PRDM5: variants seen among roughly 807,000 people sequenced by gnomAD.
PRDM5 encodes PR/SET domain 5, also known as PR domain zinc finger protein 5.
PRDM5 carries 56 observed loss-of-function variants against 81.2 expected under a neutral mutation model. That is an observed-to-expected ratio of 0.69 (90% confidence interval 0.56 to 0.86). PRDM5 has a LOEUF of 0.86. PRDM5 is among the 40% of genes least tolerant of loss of function. The probability of loss-of-function intolerance (pLI) is 0.00; values close to 1 mark genes in which losing one functional copy is unlikely to be tolerated. For synonymous variants in PRDM5, 267 were observed against 256.4 expected (o/e 1.04, Z -0.39); for missense variants, 697 against 770.1 (o/e 0.91, Z 1.12).
intron 3 of PRDM5, among the ~76,000 whole-genome samples, chr4:120,841,078 GT>G (rs918575141): frequency 1.3e-5 from 2 of 152,084 alleles, no homozygotes; most frequent in African/African-American, 4.8e-5. Context: ...CTATCCTTGT[GT>G]TTTTTAAATC....
chr4:120,859,541 G>A (rs1760322739), intron 2 of PRDM5, among the ~76,000 whole-genome samples: 1 of 152,038 alleles, frequency 6.6e-6, no homozygotes, highest in Admixed American at 6.6e-5. Flanking sequence ...GCTTTTTCAA[G>A]GAACAAACAT....
rs1734174549 is a variant in PRDM5 at position 120,692,988 on chromosome 4, G to A, written c.*2123C>T. 6.6e-6 allele frequency: 1 copy of A among 152,020 alleles called. No homozygotes were observed. The highest frequency in any genetic ancestry group is 1.5e-5 in the Non-Finnish European group (1 of 68,006). The allele number at this position is 152,020 out of a possible 1,614,324, so 9.4% of individuals were successfully genotyped here. A position where few individuals can be genotyped will look rare whatever the true frequency, so the allele number is the denominator to read the frequency against. On this transcript the variant is annotated 3_prime_UTR_variant, in exon 16 of 16. Transcript: ENST00000264808. Reference sequence around the variant, plus strand: ...CATACAAATAGTCTACTAAGGACTTGTTTTGGTTTCAGTCCTCTGAAAGGA... The same window carrying A: ...CATACAAATAGTCTACTAAGGACTTATTTTGGTTTCAGTCCTCTGAAAGGA...
chr4:120,914,079 A>C (rs1281845754), intron 1 of PRDM5, among the ~76,000 whole-genome samples: 1 of 152,152 alleles, frequency 6.6e-6, no homozygotes, highest in East Asian at 1.9e-4. Flanking sequence ...AAAGGAAGAT[A>C]AGGCAGAAGA....
At chr4:120,685,492 G>A (rs1733794517) in intron 1 of PRDM5, among the ~76,000 whole-genome samples, 1 of 152,068 alleles carries the variant, frequency 6.6e-6, no homozygotes, top group African/African-American at 2.4e-5. Context: ...GTTATGTCAT[G>A]ATATACAAAT....
chr4:120,804,179 A>G lies in PRDM5; in HGVS notation c.946-4434T>C, dbSNP rs6534209. 8.6e-3 allele frequency among the ~76,000 whole-genome samples: 1,312 copies of G among 152,370 alleles called. 22 individuals carry two copies. The highest frequency in any genetic ancestry group is 0.03 in the African/African-American group (1,244 of 41,590). The stretch of plus-strand genomic sequence containing the variant: ...TCCTAAATATATATGCACCCAATAC[A>G]GGAGCACCCAGTTTCATAAAGCAAG... On this transcript the variant is annotated intron_variant, in intron 8 of 15. Coordinates refer to ENST00000264808, the MANE Select transcript of PRDM5 (RefSeq NM_018699.4).
intron 12 of PRDM5, among the ~76,000 whole-genome samples, chr4:120,780,613 C>T (rs546261100): frequency 3.9e-5 from 6 of 152,168 alleles, no homozygotes; most frequent in African/African-American, 1.4e-4. Flanking sequence ...AAAAAATCTC[C>T]AAATCACTAT....
intron 14 of PRDM5, among the ~76,000 whole-genome samples, chr4:120,753,071 A>G (rs1361927046): frequency 6.6e-6 from 1 of 152,196 alleles, no homozygotes; most frequent in African/African-American, 2.4e-5. Context: ...AATCATGTCT[A>G]TCTTCAGTAA....
intron 14 of PRDM5, among the ~76,000 whole-genome samples, chr4:120,716,047 T>C (rs1737690932): frequency 6.6e-6 from 1 of 152,142 alleles, no homozygotes; most frequent in African/African-American, 2.4e-5. Flanking sequence ...GCATGAGGGC[T>C]TTGCAGTTAT....
intron 11 of PRDM5, among the ~76,000 whole-genome samples, chr4:120,783,433 G>A (rs1169293220): frequency 1.3e-5 from 2 of 151,970 alleles, no homozygotes; most frequent in Non-Finnish European, 2.9e-5. Context: ...AAGTGAATGA[G>A]AACAAAAAAA....
At position 120,716,803 on chromosome 4, in the gene PRDM5, G is replaced by A. The variant is rs148600821; in HGVS notation, c.1624-6390C>T. Among the ~76,000 whole-genome samples the A allele has an allele frequency of 3.0e-4, 45 of 152,230 alleles. No individual in the cohort carries two copies. In the East Asian group the frequency reaches 5.6e-3, roughly 19 times the overall value. On this transcript the variant is annotated intron_variant, in intron 14 of 15. Transcript: ENST00000264808. The stretch of plus-strand genomic sequence containing the variant: ...CTTATACTAGAGGCAGAGCCAAGAG[G>A]TCATAGGCCACTCACCTCTAAAGTT...
chr4:120,705,622 C>T (rs1052187110), intron 15 of PRDM5, among the ~76,000 whole-genome samples: 1 of 152,082 alleles, frequency 6.6e-6, no homozygotes, highest in Non-Finnish European at 1.5e-5. Context: ...AGGGTGAGGG[C>T]TGCAGGTCAC....
At chr4:120,701,881 G>T (rs1213416568) in intron 15 of PRDM5, among the ~76,000 whole-genome samples, 1 of 152,104 alleles carries the variant, frequency 6.6e-6, no homozygotes, top group Non-Finnish European at 1.5e-5. Context: ...TCCAATGGAT[G>T]TCATGTATGC....
intron 14 of PRDM5, among the ~76,000 whole-genome samples, chr4:120,712,727 T>C (rs1737189822): frequency 6.6e-6 from 1 of 152,236 alleles, no homozygotes; most frequent in Non-Finnish European, 1.5e-5. Flanking sequence ...TTGTTCAACA[T>C]TATCCTCACA....
intron 14 of PRDM5, among the ~76,000 whole-genome samples, chr4:120,753,227 A>G (rs891375635): frequency 1.3e-5 from 2 of 151,926 alleles, no homozygotes; most frequent in African/African-American, 4.8e-5. Context: ...ATGTAAAATA[A>G]CCTCCTAATC....
chr4:120,721,687 A>T (rs1324515046), intron 14 of PRDM5, among the ~76,000 whole-genome samples: 1 of 152,260 alleles, frequency 6.6e-6, no homozygotes, highest in East Asian at 1.9e-4. Flanking sequence ...TACAATGAAG[A>T]AACATTTGTT....
At chr4:120,689,049 A>C (rs899039739), downstream of PRDM5, among the ~76,000 whole-genome samples, 1 of 152,172 alleles carries the variant, frequency 6.6e-6, no homozygotes, top group African/African-American at 2.4e-5. Flanking sequence ...ACAACAAGTC[A>C]TCTGCCCTTT....
chr4:120,861,838 T>A (rs987770113), intron 2 of PRDM5, among the ~76,000 whole-genome samples: 1 of 152,006 alleles, frequency 6.6e-6, no homozygotes, highest in African/African-American at 2.4e-5. Context: ...GAAGATGCTT[T>A]GTATCTGAAA....
At chr4:120,764,496 A>G (rs1672145114) in intron 13 of PRDM5, among the ~76,000 whole-genome samples, 2 of 152,120 alleles carry the variant, frequency 1.3e-5, no homozygotes, top group Admixed American at 6.5e-5. Context: ...TCATATTACT[A>G]ATGAAAGCCA....
chr4:120,912,473 T>C (rs1220383690), intron 1 of PRDM5, among the ~76,000 whole-genome samples: 3 of 152,194 alleles, frequency 2.0e-5, no homozygotes, highest in African/African-American at 7.2e-5. Flanking sequence ...TGACATGATC[T>C]CTTCAGAGAG....
Sources: allele counts gnomAD v4.1 joint callset (sites outside exome capture counted in the v4.1 genomes callset), GRCh38; gene constraint gnomAD v4.1.1; transcripts MANE v1.5; gene names NCBI Gene and HGNC (gene_info 2026-07-23, HGNC 2026-07-21).